CCDC40: variants seen among roughly 807,000 people sequenced by gnomAD.
CCDC40 encodes the protein coiled-coil domain 40 molecular ruler complex subunit, also known as coiled-coil domain-containing protein 40.
A neutral mutation model predicts 124.5 loss-of-function variants in CCDC40; 104 were observed. The observed-to-expected ratio is 0.84, with a 90% CI of 0.71 to 0.98. The LOEUF (loss-of-function observed/expected upper bound fraction) is 0.98, where lower values mean the gene tolerates loss of function less well. Ranked by LOEUF, CCDC40 falls within the 50% of genes least tolerant of loss-of-function variation. The pLI, the probability that CCDC40 is intolerant of heterozygous loss-of-function variation, is 0.00. For synonymous variants in CCDC40, 580 were observed against 602.9 expected, an observed-to-expected ratio of 0.96 and a Z score of 0.56; for missense variants, 1,463 against 1,503.9, an observed-to-expected ratio of 0.97 and a Z score of 0.45.
chr17:80,040,573 G>A, intron 3 of CCDC40: 1 of 390,180 alleles, frequency 2.6e-6, no homozygotes, highest in South Asian at 2.5e-5. Context: ...CAGCTACTCA[G>A]GAGGCTGAGG....
chr17:80,072,404 G>A (rs1288921613), intron 10 of CCDC40, among the ~76,000 whole-genome samples: 2 of 152,202 alleles, frequency 1.3e-5, no homozygotes, highest in East Asian at 3.9e-4. Context: ...CACACTCTCA[G>A]GCACACATTT....
chr17:80,061,971 T>G (rs2037911306), intron 9 of CCDC40, among the ~76,000 whole-genome samples: 1 of 151,968 alleles, frequency 6.6e-6, no homozygotes, highest in Non-Finnish European at 1.5e-5. Flanking sequence ...AAAGCCAGGC[T>G]TGGTGGGGTG....
Position 80,050,183 on chromosome 17 carries a change from A to C in CCDC40, c.1059A>C (p.Ala353=), listed in dbSNP as rs374667214. 3 of 1,612,852 alleles carry C rather than the reference A, an allele frequency of 1.9e-6. No individual in the cohort carries two copies. In the East Asian group the frequency reaches 6.7e-5, roughly 36 times the overall value. The change falls in exon 7 of 20, where the codon GCA becomes GCC. Residue 353 remains alanine, a synonymous_variant. Coordinates refer to ENST00000397545, the MANE Select transcript of CCDC40 (RefSeq NM_017950.4). ...TGGAGAAGAGTCACGACCGCCACGC[A>C]ATGGCCTCGAGCGAGCGCAGGCAGA... ...KLLEKSHDRH[A]MASSERRQKE...
intron 3 of CCDC40, among the ~76,000 whole-genome samples, chr17:80,044,531 A>G (rs1224745311): frequency 1.3e-5 from 2 of 151,854 alleles, no homozygotes; most frequent in Non-Finnish European, 2.9e-5. Context: ...TAAAAATACA[A>G]AAATTAGCCG....
At chr17:80,074,286 G>A (rs1303819112) in intron 10 of CCDC40, among the ~76,000 whole-genome samples, 6 of 152,108 alleles carry the variant, frequency 3.9e-5, no homozygotes, top group African/African-American at 7.2e-5. Flanking sequence ...CCAGGCAGGC[G>A]GATCACGAGG....
rs563880629 is a variant in CCDC40, at chr17:80,053,399, C to A, written c.1159+3116C>A. Among the ~76,000 whole-genome samples the A allele has an allele frequency of 2.6e-5, 4 of 152,316 alleles. No homozygotes were observed. The East Asian group carries it at 7.7e-4, about 29-fold the overall frequency. On this transcript the variant is annotated intron_variant, in intron 7 of 19. Transcript: ENST00000397545. ...CAGGGAGAGCTCAAAACCACCAGGA[C>A]CTATCCCAGCCCAGATTTCAGATTG...
At chr17:80,092,353 T>TA (rs779279377) in intron 17 of CCDC40, among the ~76,000 whole-genome samples, 47 of 152,074 alleles carry the variant, frequency 3.1e-4, no homozygotes, top group Non-Finnish European at 6.2e-4. Context: ...CAAGTTTTGA[T>TA]AGAGACGTAC....
chr17:80,084,624 T>C (rs746519720), intron 12 of CCDC40, 119 bp from the exon 13 acceptor site: 36 of 1,231,922 alleles, frequency 2.9e-5, no homozygotes, highest in African/African-American at 1.2e-4. Context: ...CACTCGTGAC[T>C]GTGCGTTTGG....
chr17:80,048,975 C>T (rs1039817890), intron 5 of CCDC40, among the ~76,000 whole-genome samples: 19 of 152,174 alleles, frequency 1.2e-4, no homozygotes, highest in African/African-American at 4.6e-4. Flanking sequence ...TTTCTCAACC[C>T]CGGAACCACT....
intron 9 of CCDC40, among the ~76,000 whole-genome samples, chr17:80,061,567 T>C (rs1246397972): frequency 6.6e-6 from 1 of 152,208 alleles, no homozygotes; most frequent in East Asian, 1.9e-4. Flanking sequence ...TGGTAGATGC[T>C]TCCTTTTGCA....
chr17:80,044,727 A>ATG (rs2037378283), intron 3 of CCDC40, among the ~76,000 whole-genome samples: 1 of 142,294 alleles, frequency 7.0e-6, no homozygotes, highest in African/African-American at 3.0e-5. Context: ...ATATATATAT[A>ATG]TATATATATA....
chr17:80,096,273 T>G (rs1382999085), intron 18 of CCDC40, among the ~76,000 whole-genome samples: 1 of 152,162 alleles, frequency 6.6e-6, no homozygotes. Context: ...TCCCAGAGCC[T>G]TGGTTTACTG....
In CCDC40 at chr17:80,099,534, C is replaced by T. The variant is rs1179711173; in HGVS notation, c.3188C>T (p.Ser1063Leu). The change falls in exon 20 of 20, where the codon TCA (serine) becomes TTA (leucine). Residue 1063 changes from serine to leucine, a missense_variant. Ser to Leu is a moderately radical substitution (Grantham distance 145, BLOSUM62 -2). Coordinates refer to ENST00000397545, the MANE Select transcript of CCDC40 (RefSeq NM_017950.4). ...RLGALKRQNL[S>L]EIVALQTRLK... The stretch of plus-strand genomic sequence containing the variant: ...GTCTCTTTTCCTACCCAGAACCTTT[C>T]AGAGATCGTGGCCCTGCAGACACGC... 4 of 1,609,094 alleles carry T rather than the reference C, an allele frequency of 2.5e-6. No homozygotes were observed. The highest frequency in any genetic ancestry group is 2.5e-6 in the Non-Finnish European group (3 of 1,180,004).
At chr17:80,052,460 C>T (rs1171104523) in intron 7 of CCDC40, among the ~76,000 whole-genome samples, 1 of 152,180 alleles carries the variant, frequency 6.6e-6, no homozygotes, top group African/African-American at 2.4e-5. Flanking sequence ...GGTGGGTCTG[C>T]CTTTTCCCAG....
chr17:80,044,558 C>A (rs888253232), intron 3 of CCDC40, among the ~76,000 whole-genome samples: 3 of 151,758 alleles, frequency 2.0e-5, no homozygotes, highest in African/African-American at 7.3e-5. Flanking sequence ...TTGGTGCACA[C>A]CTGTAGTCCC....
chr17:80,041,358 AT>A (rs768087189), intron 3 of CCDC40, among the ~76,000 whole-genome samples: 14 of 151,934 alleles, frequency 9.2e-5, no homozygotes, highest in Non-Finnish European at 1.9e-4. Flanking sequence ...AAATACAAAA[AT>A]TAGCTGGACG....
chr17:80,098,335 G>A (rs537197494), intron 19 of CCDC40, among the ~76,000 whole-genome samples: 1 of 152,260 alleles, frequency 6.6e-6, no homozygotes. Context: ...AGAGGAGGGC[G>A]TTGGGTCTGA....
chr17:80,072,823 A>G (rs564469040), intron 10 of CCDC40, among the ~76,000 whole-genome samples: 6 of 152,034 alleles, frequency 3.9e-5, no homozygotes, highest in East Asian at 1.9e-4. Context: ...CCATCCACCA[A>G]CTGATGGACA....
intron 3 of CCDC40, among the ~76,000 whole-genome samples, chr17:80,041,277 G>A (rs2037274202): frequency 6.6e-6 from 1 of 152,136 alleles, no homozygotes; most frequent in Non-Finnish European, 1.5e-5. Flanking sequence ...GGAGGCCAAG[G>A]CGGGTGGATC....
Sources: allele counts gnomAD v4.1 joint callset (sites outside exome capture counted in the v4.1 genomes callset), GRCh38; gene constraint gnomAD v4.1.1; transcripts MANE v1.5; gene names NCBI Gene and HGNC (gene_info 2026-07-23, HGNC 2026-07-21).